CENPW: variants seen among roughly 807,000 people sequenced by gnomAD.
CENPW encodes centromere protein W.
CENPW carries 3 observed loss-of-function variants against 11.1 expected under a neutral mutation model. The ratio of observed to expected loss-of-function variants is 0.27; its 90% confidence interval spans 0.12 to 0.70. CENPW has a LOEUF of 0.70. Ranked by LOEUF, CENPW falls within the 30% of genes least tolerant of loss-of-function variation. CENPW has a pLI of 0.77. For synonymous variants in CENPW, 38 were observed against 42.0 expected, an observed-to-expected ratio of 0.91 and a Z score of 0.37; for missense variants, 100 against 105.6, an observed-to-expected ratio of 0.95 and a Z score of 0.23.
At chr6:126,448,878 A>G in the CENPW span, among the ~76,000 whole-genome samples, 3 of 151,286 alleles carry the variant, frequency 2.0e-5, no homozygotes, top group African/African-American at 7.2e-5. Flanking sequence ...GAACCAATGA[A>G]GTGTTCATAT....
At chr6:126,455,232 C>A in the CENPW span, among the ~76,000 whole-genome samples, 2 of 151,338 alleles carry the variant, frequency 1.3e-5, no homozygotes, top group Non-Finnish European at 3.0e-5. Flanking sequence ...CTAGCATCAT[C>A]CTGATACTTA....
chr6:126,428,178 C>A, the CENPW span, among the ~76,000 whole-genome samples: 2 of 152,302 alleles, frequency 1.3e-5, no homozygotes, highest in East Asian at 1.9e-4. Context: ...TTACACATAT[C>A]CACATATATT....
At chr6:126,366,145 T>C in the CENPW span, among the ~76,000 whole-genome samples, 3 of 152,308 alleles carry the variant, frequency 2.0e-5, no homozygotes, top group Non-Finnish European at 2.9e-5. Context: ...GGGGAAAACA[T>C]TGGACTCTAA....
At chr6:126,429,900 A>G in the CENPW span, among the ~76,000 whole-genome samples, 2 of 152,196 alleles carry the variant, frequency 1.3e-5, no homozygotes, top group Non-Finnish European at 2.9e-5. Context: ...CTCTTACAAG[A>G]CAAATGAGAC....
At chr6:126,446,251 T>C in the CENPW span, among the ~76,000 whole-genome samples, 1 of 151,082 alleles carries the variant, frequency 6.6e-6, no homozygotes, top group Admixed American at 6.6e-5. Flanking sequence ...ACACTGCTGC[T>C]GGAGATATTA....
the CENPW span, among the ~76,000 whole-genome samples, chr6:126,430,115 A>T: frequency 6.6e-6 from 1 of 152,174 alleles, no homozygotes; most frequent in South Asian, 2.1e-4. Context: ...TGACCTGTGT[A>T]TGTACCTGGA....
At chr6:126,395,479 A>G in the CENPW span, among the ~76,000 whole-genome samples, 5 of 152,262 alleles carry the variant, frequency 3.3e-5, no homozygotes, top group Non-Finnish European at 5.9e-5. Flanking sequence ...CCTCAACACA[A>G]GTATTTTGAA....
the CENPW span, among the ~76,000 whole-genome samples, chr6:126,413,306 C>G: frequency 1.5e-4 from 23 of 152,104 alleles, no homozygotes; most frequent in African/African-American, 4.3e-4. Flanking sequence ...AAAATCAACA[C>G]AAAGGGAGAA....
the CENPW span, among the ~76,000 whole-genome samples, chr6:126,368,631 A>G: frequency 6.6e-6 from 1 of 151,104 alleles, no homozygotes; most frequent in Non-Finnish European, 1.5e-5. Context: ...CGAGCAGTGT[A>G]CACCATACCC....
the CENPW span, among the ~76,000 whole-genome samples, chr6:126,425,181 T>A: frequency 6.6e-6 from 1 of 152,078 alleles, no homozygotes; most frequent in African/African-American, 2.4e-5. Flanking sequence ...AAAAGAAATG[T>A]TTGGAGAAGA....
At chr6:126,421,136 T>C in the CENPW span, among the ~76,000 whole-genome samples, 2 of 152,152 alleles carry the variant, frequency 1.3e-5, no homozygotes, top group Non-Finnish European at 2.9e-5. Context: ...TTGTATAAAA[T>C]TGATCCTCTT....
the CENPW span, among the ~76,000 whole-genome samples, chr6:126,369,549 CA>C: frequency 2.0e-5 from 3 of 152,258 alleles, no homozygotes; most frequent in Admixed American, 2.0e-4. Context: ...AGCATTGTTT[CA>C]TATGTTTGTT....
chr6:126,393,008 GGT>G, the CENPW span, among the ~76,000 whole-genome samples: 5 of 151,902 alleles, frequency 3.3e-5, no homozygotes, highest in South Asian at 1.0e-3. Flanking sequence ...ATTTCTTCAT[GGT>G]TCAATCTTGG....
chr6:126,357,663 C>T, the CENPW span, among the ~76,000 whole-genome samples: 1 of 151,616 alleles, frequency 6.6e-6, no homozygotes, highest in Non-Finnish European at 1.5e-5. Flanking sequence ...GCCTGTAGTG[C>T]AGTGGTGCAA....
At position 126,340,124 on chromosome 6, in the gene CENPW, G is replaced by C; in HGVS notation, c.-150G>C. The C allele has an allele frequency of 5.4e-6, 4 of 746,722 alleles. No individual in the cohort carries two copies. The highest frequency in any genetic ancestry group is 5.1e-5 in the South Asian group (3 of 58,444). 46.3% of individuals were successfully genotyped at this position (746,722 alleles called of 1,614,324 possible). On this transcript the variant is annotated 5_prime_UTR_variant, in exon 1 of 3. Transcript: ENST00000368328. ...ACTGAGCGCCGGGCGCGTTCCGTTG[G>C]CGGCGGATTCGAACGTTCGGACTGA...
the CENPW span, among the ~76,000 whole-genome samples, chr6:126,355,745 C>A: frequency 6.6e-6 from 1 of 152,114 alleles, no homozygotes; most frequent in African/African-American, 2.4e-5. Flanking sequence ...CTTGCGCTGT[C>A]TTAAATTATA....
the CENPW span, among the ~76,000 whole-genome samples, chr6:126,459,981 C>T: frequency 6.6e-6 from 1 of 150,814 alleles, no homozygotes; most frequent in Admixed American, 6.6e-5. Flanking sequence ...TGTTTTTGAA[C>T]AAATAAATTC....
At chr6:126,380,444 G>A in the CENPW span, among the ~76,000 whole-genome samples, 1 of 152,172 alleles carries the variant, frequency 6.6e-6, no homozygotes, top group African/African-American at 2.4e-5. Flanking sequence ...TTAGTAATGA[G>A]CAATGGCTCT....
the CENPW span, among the ~76,000 whole-genome samples, chr6:126,441,384 T>G: frequency 6.6e-6 from 1 of 151,514 alleles, no homozygotes; most frequent in Non-Finnish European, 1.5e-5. Context: ...TTCTGTAAAC[T>G]GCCGAACTTC....
Sources: gnomAD v4.1 joint callset for allele counts (sites outside exome capture counted in the v4.1 genomes callset) on GRCh38, gnomAD v4.1.1 for gene constraint, MANE v1.5 for transcripts, NCBI Gene and HGNC (gene_info 2026-07-23, HGNC 2026-07-21) for gene names.